TTC34: variants seen among roughly 807,000 people sequenced by gnomAD.
The protein encoded by TTC34 is tetratricopeptide repeat protein 34.
In TTC34, 44 loss-of-function variants were observed where a neutral mutation model predicts 40.7. The ratio of observed to expected loss-of-function variants is 1.08; its 90% CI spans 0.85 to 1.39. The LOEUF is 1.39. Among genes scored for constraint, TTC34 ranks in the 40% most tolerant of loss-of-function variants. The probability of loss-of-function intolerance (pLI) is 0.00; values close to 1 mark genes in which losing one functional copy is unlikely to be tolerated. For missense variants in TTC34, 884 were observed against 838.0 expected, an observed-to-expected ratio of 1.05 and a Z score of -0.68; for synonymous variants, 422 against 398.6, an observed-to-expected ratio of 1.06 and a Z score of -0.70.
At chr1:2,675,708 GGAA>G (rs1557600479) in intron 6 of TTC34, among the ~76,000 whole-genome samples, 2 of 123,522 alleles carry the variant, frequency 1.6e-5, no homozygotes, top group East Asian at 2.3e-4. Flanking sequence ...GTGACAGCCT[GGAA>G]GAGCACCCAC....
chr1:2,687,609 C>A (rs1267184648), intron 6 of TTC34, among the ~76,000 whole-genome samples: 5 of 151,480 alleles, frequency 3.3e-5, no homozygotes, highest in Non-Finnish European at 5.9e-5. Flanking sequence ...ACCCACACCC[C>A]CAGGTGAGCA....
At chr1:2,688,669 C>G in intron 6 of TTC34, among the ~76,000 whole-genome samples, 1 of 123,494 alleles carries the variant, frequency 8.1e-6, no homozygotes, top group Admixed American at 8.0e-5. Context: ...GAGCCTCTGA[C>G]AGCCTGGAAC....
intron 6 of TTC34, among the ~76,000 whole-genome samples, chr1:2,690,117 C>G (rs1490507525): frequency 7.5e-6 from 1 of 133,338 alleles, no homozygotes. Flanking sequence ...GAGTATCTGA[C>G]TGCCTGGAAC....
At chr1:2,749,405 C>G (rs1444652352) in intron 6 of TTC34, among the ~76,000 whole-genome samples, 570 of 128,814 alleles carry the variant, frequency 4.4e-3, no homozygotes, top group South Asian at 5.5e-3. Context: ...ACCCTGCACC[C>G]CCAGGTGCGC....
chr1:2,774,894 T>G (rs201577096), intron 6 of TTC34: 517 of 27,404 alleles, frequency 0.019, no homozygotes, highest in Middle Eastern at 0.067. Flanking sequence ...GCCTGGAACA[T>G]AATTCTCCAA....
At chr1:2,692,350 G>C (rs1640659122) in intron 6 of TTC34, among the ~76,000 whole-genome samples, 1 of 73,940 alleles carries the variant, frequency 1.4e-5, no homozygotes, top group Non-Finnish European at 3.2e-5. Flanking sequence ...ACACACCGAG[G>C]TGAGCATCTG....
chr1:2,683,261 G>A (rs1382012369), intron 6 of TTC34, among the ~76,000 whole-genome samples: 11 of 149,436 alleles, frequency 7.4e-5, no homozygotes, highest in Non-Finnish European at 1.3e-4. Flanking sequence ...GTTTGCAGCA[G>A]CACCCACACC....
chr1:2,681,616 G>A lies in TTC34; in HGVS notation c.2227-36053C>T, dbSNP rs563055719. ...GGTGAGCATCAGACAGCCTGGAACC[G>A]CAGCCACACCCCCAGCGAGCACCTG... is the stretch of plus-strand genomic sequence containing the variant. On this transcript the variant is annotated intron_variant, in intron 6 of 8. Transcript: ENST00000401095. Among the ~76,000 whole-genome samples, 9 of 56,606 alleles carry A rather than the reference G, an allele frequency of 1.6e-4. 2 individuals carry two copies. The highest frequency in any genetic ancestry group is 3.4e-4 in the African/African-American group (5 of 14,608). 37.1% of individuals were successfully genotyped at this position (56,606 alleles called of 152,430 possible).
At chr1:2,767,913 A>T (rs960173488) in intron 6 of TTC34, among the ~76,000 whole-genome samples, 1 of 149,244 alleles carries the variant, frequency 6.7e-6, no homozygotes, top group African/African-American at 2.5e-5. Flanking sequence ...TGACAACCAG[A>T]ACCTGCACCA....
intron 6 of TTC34, among the ~76,000 whole-genome samples, chr1:2,761,154 CGCCG>C (rs2100461868): frequency 1.2e-4 from 5 of 40,706 alleles, no homozygotes; most frequent in African/African-American, 2.6e-4. Flanking sequence ...CCTGGAGCAG[CGCCG>C]ACCCCCCCAG....
chr1:2,789,836 C>T, exon 3 of TTC34: 1 of 433,310 alleles, frequency 2.3e-6, no homozygotes, highest in South Asian at 6.3e-5. Flanking sequence ...CATGGCGCGC[C>T]GCGAGTCCCC....
intron 6 of TTC34, among the ~76,000 whole-genome samples, chr1:2,751,251 C>A (rs1296721614): frequency 1.1e-3 from 62 of 58,552 alleles, no homozygotes; most frequent in Middle Eastern, 0.014. Context: ...GGCACACCCC[C>A]AGTGAGCATC....
At chr1:2,767,402 C>T in intron 6 of TTC34, among the ~76,000 whole-genome samples, 2 of 140,380 alleles carry the variant, frequency 1.4e-5, no homozygotes, top group African/African-American at 5.2e-5. Flanking sequence ...GCACCCACAC[C>T]CCCAGGTGAG....
chr1:2,783,514 C>G (rs1643520458), intron 6 of TTC34, 95 bp downstream of exon 6: 1 of 1,247,852 alleles, frequency 8.0e-7, no homozygotes, highest in East Asian at 3.0e-5. Flanking sequence ...TCAGGATGGC[C>G]TACCCGGCTC....
At chr1:2,788,012 C>A (rs1314350875) in intron 3 of TTC34, among the ~76,000 whole-genome samples, 2 of 152,204 alleles carry the variant, frequency 1.3e-5, no homozygotes, top group Non-Finnish European at 2.9e-5. Flanking sequence ...CACAGACGAA[C>A]AATTTGGCCT....
chr1:2,785,494 G>A (rs560623267), intron 5 of TTC34, among the ~76,000 whole-genome samples: 6 of 152,214 alleles, frequency 3.9e-5, no homozygotes, highest in East Asian at 3.9e-4. Flanking sequence ...CAGGGACCTC[G>A]CCTCCTTGTC....
chr1:2,756,968 A>G (rs1393581838), intron 6 of TTC34, among the ~76,000 whole-genome samples: 1 of 119,336 alleles, frequency 8.4e-6, no homozygotes, highest in African/African-American at 3.4e-5. Context: ...CATCTGACAG[A>G]CTGGAACAGC....
intron 6 of TTC34, among the ~76,000 whole-genome samples, chr1:2,699,367 C>G (rs1392290258): frequency 3.1e-5 from 1 of 32,400 alleles, no homozygotes; most frequent in African/African-American, 7.4e-5. Flanking sequence ...AACAGCACCG[C>G]ACACCCGCAG....
At position 2,778,894 on chromosome 1, in the gene TTC34, G is replaced by A. The variant is rs12098033; in HGVS notation, c.2226+4715C>T. Among the ~76,000 whole-genome samples, 354 of 152,128 alleles carry A rather than the reference G, an allele frequency of 2.3e-3. 2 individuals carry two copies. Among genetic ancestry groups the A allele is most frequent in the African/African-American group, 7.9e-3 (328 of 41,492 alleles). On this transcript the variant is annotated intron_variant, in intron 6 of 8. Transcript: ENST00000401095. Reference sequence around the variant, plus strand: ...CTTCCCAAACTGAAACTCTGTCCCCGTTAAATACTAACTCTCCGTTCCCCA... The same window carrying A: ...CTTCCCAAACTGAAACTCTGTCCCCATTAAATACTAACTCTCCGTTCCCCA...
Sources: allele counts gnomAD v4.1 joint callset (sites outside exome capture counted in the v4.1 genomes callset), GRCh38; gene constraint gnomAD v4.1.1; transcripts MANE v1.5; gene names NCBI Gene and HGNC (gene_info 2026-07-23, HGNC 2026-07-21).